CNTNAP5: variants seen among roughly 807,000 people sequenced by gnomAD.
CNTNAP5 encodes the protein contactin-associated protein-like 5.
Under a neutral mutation model 150.2 loss-of-function variants are expected in CNTNAP5, and 72 were observed. The observed-to-expected ratio is 0.48, with a 90% CI of 0.40 to 0.58. CNTNAP5 has a LOEUF of 0.58. CNTNAP5 is among the 20% of genes least tolerant of loss of function. The pLI is 0.00. For synonymous variants in CNTNAP5, 672 were observed against 619.8 expected, an observed-to-expected ratio of 1.08 and a Z score of -1.25; for missense variants, 1,636 against 1,626.2, an observed-to-expected ratio of 1.01 and a Z score of -0.10.
At position 124,772,860 on chromosome 2, in the gene CNTNAP5, G is replaced by A. The variant is rs1304910388; in HGVS notation, c.2595G>A (p.Gln865=). The A allele has an allele frequency of 2.5e-6, 4 of 1,613,598 alleles. No homozygotes were observed. The Admixed American group carries it at 6.7e-5, about 27-fold the overall frequency. ...VGNGPVELVV[Q]SPSLLNDNQW... is the part of the protein sequence containing the mutation. ...ATGGTCCTGTGGAGCTTGTAGTCCA[G>A]TCTCCTTCTCTTCTGAATGACAACC... Residue 865 remains glutamine, a synonymous_variant, in exon 17 of 24, where the codon CAG becomes CAA. Coordinates refer to ENST00000682447, the MANE Select transcript of CNTNAP5 (RefSeq NM_001367498.1).
intron 21 of CNTNAP5, among the ~76,000 whole-genome samples, chr2:124,890,822 A>G (rs1678178395): frequency 6.6e-6 from 1 of 152,136 alleles, no homozygotes; most frequent in Admixed American, 6.5e-5. Flanking sequence ...TAATTAGAAC[A>G]GCCTTAGTCA....
At chr2:124,149,401 T>A (rs1297375007) in intron 1 of CNTNAP5, among the ~76,000 whole-genome samples, 7 of 43,104 alleles carry the variant, frequency 1.6e-4, no homozygotes, top group African/African-American at 4.8e-4. Context: ...TGGCGTCAAT[T>A]GCAAAAAAAA....
intron 8 of CNTNAP5, among the ~76,000 whole-genome samples, 163 bp downstream of exon 8, chr2:124,504,719 T>TC (rs1411565491): frequency 3.4e-5 from 5 of 149,144 alleles, no homozygotes; most frequent in Non-Finnish European, 5.9e-5. Flanking sequence ...TTTTTTTTTT[T>TC]TTTTTTTGAA....
chr2:124,162,676 A>AT (rs1003125643), intron 1 of CNTNAP5, among the ~76,000 whole-genome samples: 1 of 152,192 alleles, frequency 6.6e-6, no homozygotes, highest in African/African-American at 2.4e-5. Context: ...TAAGATTAAA[A>AT]TTTTTTAAAC....
At chr2:124,270,589 T>G (rs79891253) in intron 3 of CNTNAP5, among the ~76,000 whole-genome samples, 7,652 of 152,188 alleles carry the variant, frequency 0.05, 565 homozygotes, top group African/African-American at 0.16. Context: ...GTTCTCTAAG[T>G]TTTTAAGGTT....
At chr2:124,706,828 G>A (rs1165717966) in intron 13 of CNTNAP5, among the ~76,000 whole-genome samples, 14 of 4,110 alleles carry the variant, frequency 3.4e-3, no homozygotes, top group African/African-American at 7.9e-3. Flanking sequence ...GGAGGAGGAA[G>A]AGGAGGAGGG....
intron 10 of CNTNAP5, among the ~76,000 whole-genome samples, chr2:124,539,511 A>G (rs768963308): frequency 1.1e-4 from 17 of 152,216 alleles, no homozygotes; most frequent in Non-Finnish European, 2.1e-4. Context: ...TGTGCTGTTC[A>G]TATTTTAGCC....
chr2:124,789,499 C>T (rs1681671016), intron 17 of CNTNAP5, among the ~76,000 whole-genome samples: 1 of 152,002 alleles, frequency 6.6e-6, no homozygotes, highest in Non-Finnish European at 1.5e-5. Flanking sequence ...ATTTTGTCAC[C>T]CAGGTACTAA....
At position 124,178,882 on chromosome 2, in the gene CNTNAP5, G is replaced by C. The variant is rs575066948; in HGVS notation, c.83-42823G>C. Among the ~76,000 whole-genome samples the C allele has an allele frequency of 2.0e-4, 30 of 151,892 alleles. No homozygotes were observed. The South Asian group carries it at 6.2e-3, about 32-fold the overall frequency. On this transcript the variant is annotated intron_variant, in intron 1 of 23. Coordinates refer to ENST00000682447, the MANE Select transcript of CNTNAP5 (RefSeq NM_001367498.1). ...TAGTTTGAATATGAATACAATACTT[G>C]TGAAAAGCTCTCTGATTTTTATTTG... is the stretch of plus-strand genomic sequence containing the variant.
intron 19 of CNTNAP5, among the ~76,000 whole-genome samples, chr2:124,855,171 T>TG (rs1317804224): frequency 2.1e-4 from 18 of 86,544 alleles, no homozygotes; most frequent in African/African-American, 1.1e-3. Context: ...CTTTTGCTTT[T>TG]TTTTTTTTTT....
chr2:124,422,309 AT>A (rs1342133147), intron 4 of CNTNAP5, among the ~76,000 whole-genome samples: 1 of 152,198 alleles, frequency 6.6e-6, no homozygotes, highest in Non-Finnish European at 1.5e-5. Context: ...AACTCTCTAC[AT>A]TTTGGAAATA....
At chr2:124,471,596 C>T (rs1435037055) in intron 6 of CNTNAP5, among the ~76,000 whole-genome samples, 1 of 152,110 alleles carries the variant, frequency 6.6e-6, no homozygotes, top group African/African-American at 2.4e-5. Context: ...ACTTCCAATA[C>T]TATGTTGAAT....
intron 17 of CNTNAP5, among the ~76,000 whole-genome samples, chr2:124,783,137 C>T (rs533468462): frequency 1.3e-5 from 2 of 152,112 alleles, no homozygotes; most frequent in East Asian, 1.9e-4. Context: ...AAGCTTCTGG[C>T]GTGCTGGTAA....
intron 12 of CNTNAP5, among the ~76,000 whole-genome samples, chr2:124,621,867 A>G (rs1677621392): frequency 6.6e-6 from 1 of 152,206 alleles, no homozygotes; most frequent in Admixed American, 6.5e-5. Context: ...AGTAGAATTT[A>G]GTTGATTACG....
chr2:124,355,498 C>T (rs1041443002), intron 3 of CNTNAP5, among the ~76,000 whole-genome samples: 1 of 152,160 alleles, frequency 6.6e-6, no homozygotes, highest in Admixed American at 6.5e-5. Flanking sequence ...CCTACCCTCC[C>T]ACTGAACCAA....
At chr2:124,747,799 T>C (rs1680641636) in intron 14 of CNTNAP5, among the ~76,000 whole-genome samples, 1 of 137,936 alleles carries the variant, frequency 7.2e-6, no homozygotes, top group Non-Finnish European at 1.6e-5. Context: ...TTTTTTTTTT[T>C]TTTTTTTTTT....
At chr2:124,790,283 G>A (rs912646710) in intron 18 of CNTNAP5, 142 bp downstream of exon 18, 47 of 887,198 alleles carry the variant, frequency 5.3e-5, no homozygotes, top group South Asian at 3.7e-4. Context: ...GTTCTTCAAC[G>A]TAATTGCATA....
chr2:124,802,786 A>G (rs1205552971), intron 19 of CNTNAP5, among the ~76,000 whole-genome samples: 1 of 152,172 alleles, frequency 6.6e-6, no homozygotes, highest in Non-Finnish European at 1.5e-5. Context: ...TAGCTCATGT[A>G]CTGAAGAGAC....
At chr2:124,287,821 G>A (rs1688192035) in intron 3 of CNTNAP5, among the ~76,000 whole-genome samples, 1 of 152,134 alleles carries the variant, frequency 6.6e-6, no homozygotes, top group South Asian at 2.1e-4. Context: ...AAAAATTCAA[G>A]GAAAGCTACA....
Sources: gnomAD v4.1 joint callset for allele counts (sites outside exome capture counted in the v4.1 genomes callset) on GRCh38, gnomAD v4.1.1 for gene constraint, MANE v1.5 for transcripts, NCBI Gene and HGNC (gene_info 2026-07-23, HGNC 2026-07-21) for gene names.